Variants in GPC6 observed in about 807,000 individuals in gnomAD.
GPC6 encodes the protein glypican-6.
A neutral mutation model predicts 55.2 loss-of-function variants in GPC6; 14 were observed. The ratio of observed to expected loss-of-function variants is 0.25; its 90% CI spans 0.17 to 0.40. The LOEUF (loss-of-function observed/expected upper bound fraction) is 0.40, where lower values mean the gene tolerates loss of function less well. Among genes scored for constraint, GPC6 ranks in the 10% least tolerant of loss-of-function variants. The pLI, the probability that GPC6 is intolerant of heterozygous loss-of-function variation, is 1.00. For missense variants in GPC6, 641 were observed against 708.5 expected (o/e 0.90, Z 1.08); for synonymous variants, 278 against 259.6 (o/e 1.07, Z -0.68).
chr13:94,341,156 A>C (rs1878013996), intron 6 of GPC6, among the ~76,000 whole-genome samples: 1 of 152,220 alleles, frequency 6.6e-6, no homozygotes, highest in Admixed American at 6.5e-5. Flanking sequence ...CTTCTATACT[A>C]ACAGGTTCTG....
At chr13:93,890,254 ATCT>A (rs1365880205) in intron 3 of GPC6, among the ~76,000 whole-genome samples, 3 of 152,050 alleles carry the variant, frequency 2.0e-5, no homozygotes, top group South Asian at 2.1e-4. Context: ...TGCTTTACAC[ATCT>A]TCTTTGTGGT....
Position 93,298,799 on chromosome 13 carries a change from T to TTC in GPC6, c.160+71191_160+71192dup, listed in dbSNP as rs145911065. On this transcript the variant is annotated intron_variant, in intron 1 of 8. Transcript: ENST00000377047. ...CCCTGCGTACTGCCTGACGTGGATT[T>TTC]TCTCTCTCTGGGAGTCTAGGTTAGG... is the stretch of plus-strand genomic sequence containing the variant. Among the ~76,000 whole-genome samples, 696 of 152,118 alleles carry TTC rather than the reference T, an allele frequency of 4.6e-3. 5 individuals are homozygous for TTC. Among genetic ancestry groups the TTC allele is most frequent in the African/African-American group, 0.015 (603 of 41,504 alleles).
intron 3 of GPC6, among the ~76,000 whole-genome samples, chr13:93,845,654 T>TA (rs1330755771): frequency 2.8e-5 from 4 of 144,264 alleles, no homozygotes; most frequent in Non-Finnish European, 4.5e-5. Flanking sequence ...TATGCAGCCA[T>TA]AAAAAATGAT....
chr13:93,297,251 G>A (rs1878526697), intron 1 of GPC6, among the ~76,000 whole-genome samples: 1 of 152,092 alleles, frequency 6.6e-6, no homozygotes. Flanking sequence ...TTGGCACTAT[G>A]TTTGGTTCTA....
intron 2 of GPC6, among the ~76,000 whole-genome samples, chr13:93,707,380 T>C (rs1008649824): frequency 1.3e-5 from 2 of 151,770 alleles, no homozygotes; most frequent in Non-Finnish European, 2.9e-5. Context: ...ATAAAAATTT[T>C]AAACATGTTT....
intron 2 of GPC6, among the ~76,000 whole-genome samples, chr13:93,711,402 A>G (rs577528908): frequency 2.0e-3 from 296 of 151,744 alleles, no homozygotes; most frequent in African/African-American, 6.9e-3. Flanking sequence ...ACCCGCCCCC[A>G]AGATTGAATG....
intron 4 of GPC6, among the ~76,000 whole-genome samples, chr13:94,277,524 G>A (rs916421601): frequency 1.3e-5 from 2 of 152,070 alleles, no homozygotes; most frequent in Admixed American, 1.3e-4. Flanking sequence ...GTCCTGAATG[G>A]TATTGCCTAG....
At chr13:93,490,499 C>CTT (rs1295689738) in intron 1 of GPC6, among the ~76,000 whole-genome samples, 3 of 18,328 alleles carry the variant, frequency 1.6e-4, no homozygotes, top group Non-Finnish European at 3.2e-4. Flanking sequence ...ATTTTTTTTT[C>CTT]TTTTTTTTTT....
intron 2 of GPC6, among the ~76,000 whole-genome samples, chr13:93,562,030 G>A (rs1450987656): frequency 6.6e-6 from 1 of 152,086 alleles, no homozygotes; most frequent in Non-Finnish European, 1.5e-5. Flanking sequence ...TTGCTACAGC[G>A]TGTTTCTGAA....
intron 2 of GPC6, among the ~76,000 whole-genome samples, chr13:93,548,111 A>G (rs1874928890): frequency 6.6e-6 from 1 of 152,214 alleles, no homozygotes; most frequent in Admixed American, 6.5e-5. Context: ...ACATAAAACC[A>G]ATGGTACTAT....
chr13:93,748,408 T>A (rs933367750), intron 2 of GPC6, among the ~76,000 whole-genome samples: 1 of 152,126 alleles, frequency 6.6e-6, no homozygotes, highest in Admixed American at 6.6e-5. Context: ...TTGCTTTTTT[T>A]ATTTTTGTGT....
rs538811950 is a variant in GPC6, at chr13:93,598,162, T to A, written c.319+52741T>A. Among the ~76,000 whole-genome samples the A allele has an allele frequency of 5.9e-5, 9 of 151,996 alleles. 1 individual carries two copies. Among genetic ancestry groups the A allele is most frequent in the African/African-American group, 2.2e-4 (9 of 41,440 alleles). ...CATCTCAAAATAATAATAATAATAA[T>A]AAATAAAAAAGTTATATGTGGATTT... On this transcript the variant is annotated intron_variant, in intron 2 of 8. Coordinates refer to ENST00000377047, the MANE Select transcript of GPC6 (RefSeq NM_005708.5).
intron 2 of GPC6, among the ~76,000 whole-genome samples, chr13:93,687,277 A>G (rs570794707): frequency 2.0e-5 from 3 of 152,228 alleles, no homozygotes; most frequent in African/African-American, 7.2e-5. Flanking sequence ...TGAAGCCTTT[A>G]TCCTATATTC....
intron 4 of GPC6, among the ~76,000 whole-genome samples, chr13:94,138,110 G>A (rs112157225): frequency 0.019 from 2,861 of 152,154 alleles, 88 homozygotes; most frequent in African/African-American, 0.065. Context: ...AATATGAAAT[G>A]CTCCAAAATC....
chr13:94,323,623 A>G (rs529058935), intron 6 of GPC6, among the ~76,000 whole-genome samples: 2 of 152,240 alleles, frequency 1.3e-5, no homozygotes, highest in Middle Eastern at 3.4e-3. Context: ...AGATGAGAAT[A>G]TAATGGGTGC....
At chr13:93,363,442 T>C (rs1881123752) in intron 1 of GPC6, among the ~76,000 whole-genome samples, 2 of 152,212 alleles carry the variant, frequency 1.3e-5, no homozygotes, top group South Asian at 2.1e-4. Context: ...ATTTCATCCA[T>C]GTTCCTACAA....
chr13:93,341,332 C>T (rs934764929), intron 1 of GPC6, among the ~76,000 whole-genome samples: 11 of 152,160 alleles, frequency 7.2e-5, no homozygotes, highest in African/African-American at 2.7e-4. Context: ...ATACTGTTTT[C>T]CATAGTGGTT....
chr13:93,852,093 A>C lies in GPC6; in HGVS notation c.711+21548A>C, dbSNP rs538473901. On this transcript the variant is annotated intron_variant, in intron 3 of 8. Coordinates refer to ENST00000377047, the MANE Select transcript of GPC6 (RefSeq NM_005708.5). ...TATGACAGCAATATCAAATTTAAAC[A>C]CTGTAATATTCTGTATTATAAACAT... is the stretch of plus-strand genomic sequence containing the variant. Among the ~76,000 whole-genome samples, 235 of 151,904 alleles carry C rather than the reference A, an allele frequency of 1.5e-3. No homozygotes were observed. The Middle Eastern group carries it at 0.027, about 18-fold the overall frequency.
At chr13:94,389,717 G>A (rs895006368) in intron 7 of GPC6, among the ~76,000 whole-genome samples, 1 of 152,158 alleles carries the variant, frequency 6.6e-6, no homozygotes. Context: ...AGTCCCACTG[G>A]CACACATGTT....
Sources: allele counts gnomAD v4.1 joint callset (sites outside exome capture counted in the v4.1 genomes callset), GRCh38; gene constraint gnomAD v4.1.1; transcripts MANE v1.5; gene names NCBI Gene and HGNC (gene_info 2026-07-23, HGNC 2026-07-21).